The following SMARCC1 variants were observed in gnomAD, a reference collection of about 807,000 sequenced individuals.
The protein encoded by SMARCC1 is SWI/SNF complex subunit SMARCC1.
SMARCC1 carries 43 observed loss-of-function variants against 147.4 expected under a neutral mutation model. The observed-to-expected ratio is 0.29, with a 90% CI of 0.23 to 0.38. The LOEUF (loss-of-function observed/expected upper bound fraction) is 0.38, where lower values mean the gene tolerates loss of function less well. Ranked by LOEUF, SMARCC1 falls within the 10% of genes least tolerant of loss-of-function variation. The pLI, the probability that SMARCC1 is intolerant of heterozygous loss-of-function variation, is 1.00. For synonymous variants in SMARCC1, 495 were observed against 484.4 expected, an observed-to-expected ratio of 1.02 and a Z score of -0.29; for missense variants, 1,119 against 1,381.1, an observed-to-expected ratio of 0.81 and a Z score of 3.01.
chr3:47,590,220 A>G (rs772235336), intron 27 of SMARCC1, among the ~76,000 whole-genome samples: 1 of 152,356 alleles, frequency 6.6e-6, no homozygotes, highest in East Asian at 1.9e-4. Flanking sequence ...TAATATAACA[A>G]AAATGGCTAT....
intron 21 of SMARCC1, among the ~76,000 whole-genome samples, chr3:47,651,720 T>C (rs2033192783): frequency 6.6e-6 from 1 of 152,236 alleles, no homozygotes; most frequent in Admixed American, 6.5e-5. Context: ...GCCAACATAC[T>C]CTTCATATAT....
chr3:47,730,228 C>G (rs1174393733), intron 5 of SMARCC1, among the ~76,000 whole-genome samples: 1 of 152,162 alleles, frequency 6.6e-6, no homozygotes, highest in East Asian at 1.9e-4. Flanking sequence ...CTGCTCACAC[C>G]TGTAATCCCA....
intron 26 of SMARCC1, among the ~76,000 whole-genome samples, chr3:47,607,248 C>T (rs1401335997): frequency 6.6e-6 from 1 of 152,212 alleles, no homozygotes; most frequent in Non-Finnish European, 1.5e-5. Context: ...GCAAGTCTGA[C>T]GATGGTAGTA....
At chr3:47,626,783 T>C (rs549950670) in intron 24 of SMARCC1, among the ~76,000 whole-genome samples, 3 of 152,298 alleles carry the variant, frequency 2.0e-5, no homozygotes, top group South Asian at 4.1e-4. Flanking sequence ...CTGCAAACTT[T>C]CATGTCCTGT....
chr3:47,681,270 T>C (rs1164388144), intron 14 of SMARCC1, among the ~76,000 whole-genome samples: 2 of 152,198 alleles, frequency 1.3e-5, no homozygotes, highest in African/African-American at 4.8e-5. Flanking sequence ...AAATGAGCCT[T>C]TGTCCAGCCC....
chr3:47,648,611 C>G (rs1310080838), intron 21 of SMARCC1, among the ~76,000 whole-genome samples: 1 of 151,910 alleles, frequency 6.6e-6, no homozygotes, highest in Admixed American at 6.6e-5. Flanking sequence ...CCAGACTAGT[C>G]TCAGACTCCT....
chr3:47,651,296 C>T (rs368217850), intron 21 of SMARCC1, among the ~76,000 whole-genome samples: 2 of 152,266 alleles, frequency 1.3e-5, no homozygotes, highest in African/African-American at 4.8e-5. Flanking sequence ...AGAGTGAAAC[C>T]CTGTCTCAAA....
intron 3 of SMARCC1, among the ~76,000 whole-genome samples, chr3:47,740,850 CAA>C (rs60339024): frequency 7.7e-5 from 6 of 77,848 alleles, no homozygotes; most frequent in Admixed American, 1.3e-4. Context: ...GACTCTGACT[CAA>C]AAAAAAAAAA....
At chr3:47,656,982 T>C (rs75240819) in intron 21 of SMARCC1, among the ~76,000 whole-genome samples, 1,529 of 152,230 alleles carry the variant, frequency 0.01, 13 homozygotes, top group East Asian at 0.019. Flanking sequence ...GGCACGCTAA[T>C]ATCAGGTAAG....
At chr3:47,740,211 T>TTTA (rs2034493767) in intron 3 of SMARCC1, among the ~76,000 whole-genome samples, 1 of 78,028 alleles carries the variant, frequency 1.3e-5, no homozygotes, top group Non-Finnish European at 2.4e-5. Context: ...TTTTTTTTTT[T>TTTA]AAAAGACAGA....
chr3:47,685,681 A>C (rs1397220931), intron 14 of SMARCC1, among the ~76,000 whole-genome samples: 1 of 152,102 alleles, frequency 6.6e-6, no homozygotes, highest in Non-Finnish European at 1.5e-5. Context: ...AAGATGGTGA[A>C]ACCCATCTCT....
intron 9 of SMARCC1, among the ~76,000 whole-genome samples, chr3:47,708,815 T>C (rs2034049372): frequency 6.6e-6 from 1 of 152,172 alleles, no homozygotes. Flanking sequence ...AAATTTTTTA[T>C]CAGTTGAAGA....
rs76441706 is a variant in SMARCC1 at position 47,686,883 on chromosome 3, G to A, written c.1264-713C>T. Among the ~76,000 whole-genome samples, 865 of 152,210 alleles carry A rather than the reference G, an allele frequency of 5.7e-3. 8 individuals are homozygous for A. The highest frequency in any genetic ancestry group is 0.02 in the African/African-American group (821 of 41,520). ...GCCTGTAGTCCCAGCTACTTTAGAG[G>A]CTGAAGTCAGCAAGATTGCTTGAGC... On this transcript the variant is annotated intron_variant, in intron 13 of 27. Transcript: ENST00000254480.
chr3:47,769,811 C>T (rs2034885856), intron 2 of SMARCC1, among the ~76,000 whole-genome samples: 1 of 152,138 alleles, frequency 6.6e-6, no homozygotes, highest in Admixed American at 6.6e-5. Flanking sequence ...AAAAGGAGCC[C>T]TTTTAAATAA....
intron 26 of SMARCC1, among the ~76,000 whole-genome samples, chr3:47,596,938 G>A (rs1038347900): frequency 1.3e-5 from 2 of 151,772 alleles, no homozygotes; most frequent in African/African-American, 4.8e-5. Flanking sequence ...GCTCCTGCCT[G>A]TAATCCCGGC....
At chr3:47,614,353 C>T (rs1007823565) in intron 25 of SMARCC1, among the ~76,000 whole-genome samples, 4 of 152,196 alleles carry the variant, frequency 2.6e-5, no homozygotes, top group African/African-American at 4.8e-5. Context: ...GAACCTGCTA[C>T]TGGGTATGGC....
Position 47,777,330 on chromosome 3 carries a change from G to A in SMARCC1, c.195+4273C>T, listed in dbSNP as rs528924458. On this transcript the variant is annotated intron_variant, in intron 1 of 27. Transcript: ENST00000254480. Reference sequence around the variant, plus strand: ...ACTCCCGACCTCAGGTGATCTGCCCGCCTTGGCCTCCCAAAGTGCTGGGAT... The same window carrying A: ...ACTCCCGACCTCAGGTGATCTGCCCACCTTGGCCTCCCAAAGTGCTGGGAT... Among the ~76,000 whole-genome samples the A allele has an allele frequency of 3.9e-3, 593 of 151,710 alleles. 5 individuals carry two copies. Among genetic ancestry groups the A allele is most frequent in the African/African-American group, 0.013 (538 of 41,440 alleles).
At chr3:47,769,429 T>C (rs2034881657) in intron 2 of SMARCC1, among the ~76,000 whole-genome samples, 1 of 151,706 alleles carries the variant, frequency 6.6e-6, no homozygotes, top group African/African-American at 2.4e-5. Context: ...GGGTTTCACC[T>C]TGTTAGCCAG....
chr3:47,591,696 C>T (rs1171021197), intron 26 of SMARCC1, among the ~76,000 whole-genome samples: 1 of 152,142 alleles, frequency 6.6e-6, no homozygotes, highest in Admixed American at 6.5e-5. Context: ...GTGCCCACCA[C>T]CACGCCCAGC....
Sources: allele counts gnomAD v4.1 joint callset (sites outside exome capture counted in the v4.1 genomes callset), GRCh38; gene constraint gnomAD v4.1.1; transcripts MANE v1.5; gene names NCBI Gene and HGNC (gene_info 2026-07-23, HGNC 2026-07-21).